CASTOR1: variants seen among roughly 807,000 people sequenced by gnomAD.
CASTOR1 encodes cytosolic arginine sensor for mTORC1 subunit 1.
In CASTOR1, 18 loss-of-function variants were observed where a neutral mutation model predicts 33.7. The observed-to-expected ratio is 0.53, with a 90% CI of 0.37 to 0.79. CASTOR1 has a LOEUF of 0.79. Among genes scored for constraint, CASTOR1 ranks in the 30% least tolerant of loss-of-function variants. The pLI, the probability that CASTOR1 is intolerant of heterozygous loss-of-function variation, is 0.00. For missense variants in CASTOR1, 362 were observed against 446.3 expected, an observed-to-expected ratio of 0.81 and a Z score of 1.70; for synonymous variants, 175 against 190.6, an observed-to-expected ratio of 0.92 and a Z score of 0.67.
rs1023461230 is a variant in CASTOR1 at position 30,285,526 on chromosome 22, G to A, written c.*94C>T. The A allele has an allele frequency of 5.5e-5, 56 of 1,016,188 alleles. No homozygotes were observed. In the Admixed American group the frequency reaches 1.4e-3, roughly 25 times the overall value. 62.9% of individuals were successfully genotyped at this position (1,016,188 alleles called of 1,614,324 possible). A position where few individuals can be genotyped will look rare whatever the true frequency, so the allele number is the denominator to read the frequency against. ...AACGAGGGTCCCCAGCAGAACAGGG[G>A]GCTCGTTCCAGAGCTTAAGGAAATA... On this transcript the variant is annotated 3_prime_UTR_variant, in exon 9 of 9. Transcript: ENST00000407689.
At chr22:30,289,209 G>C (rs1390509886) in intron 1 of CASTOR1, 176 bp downstream of exon 1, 3 of 600,534 alleles carry the variant, frequency 5.0e-6, no homozygotes, top group Non-Finnish European at 8.8e-6. Context: ...GGGCCTCACG[G>C]GGCCGGATAG....
Position 30,289,452 on chromosome 22 carries a change from C to A in CASTOR1, c.46G>T (p.Ala16Ser). The A allele has an allele frequency of 1.3e-6, 2 of 1,598,682 alleles. No homozygotes were observed. Among genetic ancestry groups the A allele is most frequent in the South Asian group, 1.1e-5 (1 of 90,482 alleles). Residue 16 changes from alanine (A) to serine (S), a missense_variant, in exon 1 of 9, where the codon GCC (alanine) becomes TCC (serine). Transcript: ENST00000407689. Reference sequence around the variant, plus strand: ...GTGTAGAGCCAGAGACCGGGACGGGCGACGCTCAGCACCCGCACCCGGTGT... The same window carrying A: ...GTGTAGAGCCAGAGACCGGGACGGGAGACGCTCAGCACCCGCACCCGGTGT... ...LEHRVRVLSV[A>S]RPGLWLYTHP...
Position 30,285,937 on chromosome 22 carries a change from TGGAG to T in CASTOR1, c.827-15_827-12del. 6.3e-7 allele frequency: 1 copy of T among 1,597,286 alleles called. No homozygotes were observed. Among genetic ancestry groups the T allele is most frequent in the Non-Finnish European group, 8.5e-7 (1 of 1,172,532 alleles). On this transcript the variant is annotated splice_polypyrimidine_tract_variant and intron_variant, in intron 7 of 8. Transcript: ENST00000407689. ...CGATGCCACATTCATCTGAGGGTGGTGGAGGAAGGCCACATGTGGCACATGCCGG... is the reference window on the plus strand; with the variant it reads ...CGATGCCACATTCATCTGAGGGTGGTGAAGGCCACATGTGGCACATGCCGG...
chr22:30,289,055 G>C lies in CASTOR1; in HGVS notation c.114-279C>G. ...GACAGCCCCAGGGGCGTCGGACCTT[G>C]GACCCCCTAGTCCAGCCCCTCTGAC... On this transcript the variant is annotated intron_variant, in intron 1 of 8. Coordinates refer to ENST00000407689, the MANE Select transcript of CASTOR1 (RefSeq NM_001037666.3). The C allele has an allele frequency of 7.2e-6, 4 of 557,690 alleles. No homozygotes were observed. In the South Asian group the frequency reaches 8.6e-5, roughly 12 times the overall value. The allele number at this position is 557,690 out of a possible 1,614,324, so 34.5% of individuals were successfully genotyped here.
At position 30,285,533 on chromosome 22, in the gene CASTOR1, TC is replaced by T; in HGVS notation, c.*86del. The stretch of plus-strand genomic sequence containing the variant: ...GTCCCCAGCAGAACAGGGGGCTCGT[TC>T]CAGAGCTTAAGGAAATAGCTTAGAG... On this transcript the variant is annotated 3_prime_UTR_variant, in exon 9 of 9. Transcript: ENST00000407689. 9.0e-7 allele frequency: 1 copy of T among 1,116,472 alleles called. No homozygotes were observed. Among genetic ancestry groups the T allele is most frequent in the Non-Finnish European group, 1.3e-6 (1 of 770,116 alleles). 69.2% of individuals were successfully genotyped at this position (1,116,472 alleles called of 1,614,324 possible).
rs770190583 is a variant in CASTOR1 at position 30,285,696 on chromosome 22, C to T, written c.922-8G>A. 4.5e-6 allele frequency: 7 copies of T among 1,558,288 alleles called. No individual in the cohort carries two copies. In the Admixed American group the frequency reaches 1.3e-4, roughly 30 times the overall value. On this transcript the variant is annotated splice_region_variant and splice_polypyrimidine_tract_variant and intron_variant, in intron 8 of 8. Coordinates refer to ENST00000407689, the MANE Select transcript of CASTOR1 (RefSeq NM_001037666.3). ...GATACCGTCCTCGGGCACCTGAGGG[C>T]AGGTGGGCAGGAGGGAAGGGTCAAG...
Position 30,286,269 on chromosome 22 carries a change from T to C in CASTOR1, c.737A>G (p.Gln246Arg), listed in dbSNP as rs747378262. The C allele has an allele frequency of 8.7e-6, 14 of 1,611,792 alleles. No homozygotes were observed. The highest frequency in any genetic ancestry group is 1.2e-5 in the Non-Finnish European group (14 of 1,178,110). The change falls in exon 6 of 9, where the codon CAG becomes CGG. Residue 246 changes from glutamine (Q) to arginine (R), a missense_variant. Physicochemically the swap from Gln to Arg is conservative, Grantham distance 43 (BLOSUM62 1). Coordinates refer to ENST00000407689, the MANE Select transcript of CASTOR1 (RefSeq NM_001037666.3). ...YISIVMDAET[Q>R]KKFPSDLLLT... ...GGGGTCAGGGGTCACCTACTTTTTC[T>C]GTGTTTCAGCATCCATGACAATGGA...
chr22:30,286,736 A>G (rs1221654921), intron 5 of CASTOR1, 89 bp downstream of exon 5: 2 of 1,519,542 alleles, frequency 1.3e-6, no homozygotes, highest in African/African-American at 2.7e-5. Flanking sequence ...GACAAGCAAG[A>G]GGTGCAAAAC....
In CASTOR1 at chr22:30,286,046, C is replaced by T. The variant is rs780165118; in HGVS notation, c.796G>A (p.Val266Met). ...CCCAGGGGCTGTCCACCGATGCGCA[C>T]CATCCTCCACAGCTCCCCCGAGGAG... Reference protein sequence around the residue: ...TSSSGELWRMVRIGGQPLGFD... With the variant: ...TSSSGELWRMMRIGGQPLGFD... Residue 266 changes from valine (V) to methionine (M), a missense_variant, in exon 7 of 9, where the codon GTG (valine) becomes ATG (methionine). By Grantham distance (21) the Val-to-Met change is conservative. Transcript: ENST00000407689. The T allele has an allele frequency of 6.3e-7, 1 of 1,588,298 alleles. No homozygotes were observed. The highest frequency in any genetic ancestry group is 1.7e-5 in the Admixed American group (1 of 58,412).
rs761773482 is a variant in CASTOR1 at position 30,286,593 on chromosome 22, C to T, written c.630-217G>A. On this transcript the variant is annotated intron_variant, in intron 5 of 8. Transcript: ENST00000407689. ...CCTGTGCCAAAAACAAAGGATTCCA[C>T]GGTGAGAGGGCCAGACCAGGGCATG... is the stretch of plus-strand genomic sequence containing the variant. 5.2e-4 allele frequency: 353 copies of T among 674,786 alleles called. 1 individual carries two copies. Among genetic ancestry groups the T allele is most frequent in the Non-Finnish European group, 5.6e-4 (218 of 390,582 alleles). The allele number at this position is 674,786 out of a possible 1,614,324, so 41.8% of individuals were successfully genotyped here.
At chr22:30,287,724 T>G (rs1929817964) in intron 2 of CASTOR1, 164 bp from the exon 3 acceptor site, 2 of 740,884 alleles carry the variant, frequency 2.7e-6, no homozygotes, top group Admixed American at 2.0e-5. Flanking sequence ...TGAGAAAGGC[T>G]TCAAGTGCTG....
chr22:30,286,839 G>A lies in CASTOR1; in HGVS notation c.615C>T (p.Leu205=), dbSNP rs192050488. Residue 205 remains leucine, a synonymous_variant, in exon 5 of 9, where the codon CTC becomes CTT. Coordinates refer to ENST00000407689, the MANE Select transcript of CASTOR1 (RefSeq NM_001037666.3). ...CCAAGGTCCACCTGTGCGAGTAGAA[G>A]AGGACATCTATGAGGGTGGTGGCGA... ...PAIATTLIDV[L]FYSHSTPKEA... 1.2e-6 allele frequency: 2 copies of A among 1,614,224 alleles called. No individual in the cohort carries two copies. The highest frequency in any genetic ancestry group is 1.1e-5 in the South Asian group (1 of 91,086).
At position 30,287,339 on chromosome 22, in the gene CASTOR1, C is replaced by T. The variant is rs781308218; in HGVS notation, c.372+34G>A. 6.3e-6 allele frequency: 10 copies of T among 1,594,914 alleles called. No homozygotes were observed. In the East Asian group the frequency reaches 2.0e-4, roughly 32 times the overall value. On this transcript the variant is annotated intron_variant, in intron 3 of 8. Coordinates refer to ENST00000407689, the MANE Select transcript of CASTOR1 (RefSeq NM_001037666.3). ...ATGGGCTCCCAGGTACCTATATCCACCCTGCTCTGCATCAGCACCAGCAGG... is the reference window on the plus strand; with the variant it reads ...ATGGGCTCCCAGGTACCTATATCCATCCTGCTCTGCATCAGCACCAGCAGG...
chr22:30,286,206 C>T, intron 6 of CASTOR1, 57 bp downstream of exon 6: 1 of 1,472,294 alleles, frequency 6.8e-7, no homozygotes, highest in Admixed American at 1.8e-5. Flanking sequence ...GCCCCACCTC[C>T]TCCCTGCCTG....
In CASTOR1 at chr22:30,285,808, T is replaced by TCTGCCCCAGCCCTTAGTGCTCCCC. The variant is rs1555971201; in HGVS notation, c.921+23_921+24insGGGGAGCACTAAGGGCTGGGGCAG. 385 of 1,495,686 alleles carry TCTGCCCCAGCCCTTAGTGCTCCCC rather than the reference T, an allele frequency of 2.6e-4. 3 individuals are homozygous for TCTGCCCCAGCCCTTAGTGCTCCCC. Among genetic ancestry groups the TCTGCCCCAGCCCTTAGTGCTCCCC allele is most frequent in the Non-Finnish European group, 3.3e-4 (363 of 1,091,462 alleles). 92.7% of individuals were successfully genotyped at this position (1,495,686 alleles called of 1,614,324 possible). A position where few individuals can be genotyped will look rare whatever the true frequency, so the allele number is the denominator to read the frequency against. On this transcript the variant is annotated intron_variant, in intron 8 of 8. Coordinates refer to ENST00000407689, the MANE Select transcript of CASTOR1 (RefSeq NM_001037666.3). Reference sequence around the variant, plus strand: ...CACATTTCTGGGCCTCACTCTCCCCTCTGCCCCAGCCCTTGGTGCTCACCA... The same window carrying TCTGCCCCAGCCCTTAGTGCTCCCC: ...CACATTTCTGGGCCTCACTCTCCCCTCTGCCCCAGCCCTTAGTGCTCCCCCTGCCCCAGCCCTTGGTGCTCACCA...
intron 1 of CASTOR1, chr22:30,289,150 G>A: frequency 1.7e-6 from 1 of 581,150 alleles, no homozygotes; most frequent in Non-Finnish European, 3.0e-6. Flanking sequence ...TGACACTACT[G>A]AGTTAAGCAT....
At position 30,287,551 on chromosome 22, in the gene CASTOR1, G is replaced by A. The variant is rs1249848238; in HGVS notation, c.194C>T (p.Pro65Leu). 6.2e-7 allele frequency: 1 copy of A among 1,611,734 alleles called. No homozygotes were observed. The highest frequency in any genetic ancestry group is 1.7e-5 in the Admixed American group (1 of 59,844). Residue 65 changes from proline to leucine, a missense_variant, in exon 3 of 9, where the codon CCA (proline) becomes CTA (leucine). Coordinates refer to ENST00000407689, the MANE Select transcript of CASTOR1 (RefSeq NM_001037666.3). ...CTCAGCTACTTGCAGGAACTCAGAT[G>A]GGGGCAGCTCTGTGGGCAGGGGACA... ...VDEEGFKELP[P>L]SEFLQVAEAT...
intron 2 of CASTOR1, among the ~76,000 whole-genome samples, chr22:30,288,311 G>C (rs1407095881): frequency 3.9e-5 from 6 of 151,928 alleles, no homozygotes; most frequent in Non-Finnish European, 7.3e-5. Flanking sequence ...ACCAGCAGGG[G>C]AGGAGGTGAC....
intron 6 of CASTOR1, 59 bp downstream of exon 6, chr22:30,286,204 T>A: frequency 6.8e-7 from 1 of 1,465,564 alleles, no homozygotes; most frequent in Non-Finnish European, 9.5e-7. Context: ...ATGCCCCACC[T>A]CCTCCCTGCC....
Sources: gnomAD v4.1 joint callset for allele counts (sites outside exome capture counted in the v4.1 genomes callset) on GRCh38, gnomAD v4.1.1 for gene constraint, MANE v1.5 for transcripts, NCBI Gene and HGNC (gene_info 2026-07-23, HGNC 2026-07-21) for gene names.